The following MYO9A variants were observed in gnomAD, a reference collection of about 807,000 sequenced individuals.
MYO9A encodes unconventional myosin-IXa.
A neutral mutation model predicts 293.3 loss-of-function variants in MYO9A; 103 were observed. The observed-to-expected ratio is 0.35, with a 90% confidence interval of 0.30 to 0.41. The LOEUF is 0.41. Among genes scored for constraint, MYO9A ranks in the 10% least tolerant of loss-of-function variants. The pLI is 1.00. For synonymous variants in MYO9A, 1,001 were observed against 1,035.7 expected, an observed-to-expected ratio of 0.97 and a Z score of 0.64; for missense variants, 2,685 against 3,033.0, an observed-to-expected ratio of 0.89 and a Z score of 2.69.
chr15:71,991,232 C>G lies in MYO9A; in HGVS notation c.1593G>C (p.Leu531Phe). The change falls in exon 11 of 42, where the codon TTG (leucine) becomes TTC (phenylalanine). Residue 531 changes from leucine to phenylalanine, a missense_variant. Around this residue, in one of 10 missense-constraint regions of MYO9A, gnomAD observed 201 missense variants for 245.2 expected, o/e 0.82. Coordinates refer to ENST00000356056, the MANE Select transcript of MYO9A (RefSeq NM_006901.4). Reference sequence around the variant, plus strand: ...CAAAAATATCAAGAACACCAATAGACAATGTCTGTAAAACAAGAGAAAGTT... The same window carrying G: ...CAAAAATATCAAGAACACCAATAGAGAATGTCTGTAAAACAAGAGAAAGTT... ...SKDLEHNTKT[L>F]SIGVLDIFGF... The G allele has an allele frequency of 6.3e-7, 1 of 1,586,244 alleles. No homozygotes were observed. Among genetic ancestry groups the G allele is most frequent in the Non-Finnish European group, 8.6e-7 (1 of 1,167,318 alleles).
At chr15:72,103,342 C>T (rs2080438032) in intron 1 of MYO9A, among the ~76,000 whole-genome samples, 1 of 137,880 alleles carries the variant, frequency 7.3e-6, no homozygotes, top group Non-Finnish European at 1.5e-5. Flanking sequence ...GAAGCAGAAG[C>T]AGCAGCAAGC....
intron 15 of MYO9A, among the ~76,000 whole-genome samples, chr15:71,942,115 T>C (rs1455058298): frequency 6.6e-6 from 1 of 152,040 alleles, no homozygotes; most frequent in African/African-American, 2.4e-5. Context: ...TATATACATA[T>C]ACAATGGAAC....
intron 19 of MYO9A, among the ~76,000 whole-genome samples, chr15:71,906,073 A>T (rs2057628765): frequency 6.6e-6 from 1 of 152,064 alleles, no homozygotes; most frequent in Non-Finnish European, 1.5e-5. Context: ...ATATTATAAA[A>T]TTTTCCTTCC....
intron 1 of MYO9A, among the ~76,000 whole-genome samples, chr15:72,110,688 T>C (rs1469195357): frequency 6.6e-6 from 1 of 152,086 alleles, no homozygotes; most frequent in Non-Finnish European, 1.5e-5. Flanking sequence ...GAAGCATTTC[T>C]TTGCAGTATT....
chr15:71,880,171 T>A (rs2056829524), intron 29 of MYO9A, among the ~76,000 whole-genome samples, 164 bp downstream of exon 29: 1 of 152,212 alleles, frequency 6.6e-6, no homozygotes, highest in South Asian at 2.1e-4. Flanking sequence ...GTCTACCCAG[T>A]CTAACTAATG....
intron 1 of MYO9A, among the ~76,000 whole-genome samples, chr15:72,049,209 T>C (rs779371620): frequency 2.0e-5 from 3 of 152,216 alleles, no homozygotes; most frequent in Admixed American, 6.5e-5. Flanking sequence ...TACAGTATCA[T>C]AAATATATTT....
chr15:71,903,448 A>T (rs1355286553), intron 21 of MYO9A, among the ~76,000 whole-genome samples: 5 of 152,246 alleles, frequency 3.3e-5, no homozygotes, highest in African/African-American at 1.2e-4. Flanking sequence ...TCCCAGTAAC[A>T]GCAAAGACTT....
At chr15:71,945,893 G>A (rs1010936990) in intron 15 of MYO9A, among the ~76,000 whole-genome samples, 1 of 152,134 alleles carries the variant, frequency 6.6e-6, no homozygotes, top group Admixed American at 6.6e-5. Flanking sequence ...ATAAAGTAGA[G>A]GAAGTTGGTC....
chr15:72,082,980 A>AT (rs533623135), intron 1 of MYO9A, among the ~76,000 whole-genome samples: 2 of 150,532 alleles, frequency 1.3e-5, no homozygotes, highest in Non-Finnish European at 3.0e-5. Flanking sequence ...CTGGCCTGCA[A>AT]TTTTTTTTGT....
intron 20 of MYO9A, 98 bp from the exon 21 acceptor site, chr15:71,904,137 C>G: frequency 1.1e-6 from 1 of 946,924 alleles, no homozygotes; most frequent in Non-Finnish European, 1.6e-6. Context: ...TAGAGATTGA[C>G]TGGAGGTTGT....
rs533504832 is a variant in MYO9A, at chr15:72,004,482, G to A, written c.1380+3344C>T. ...TGAGGCAGGAGAATGGCTTGGACCC[G>A]GGAGGCAGAGGTTGCAGTGAGCCAA... On this transcript the variant is annotated intron_variant, in intron 8 of 41. Coordinates refer to ENST00000356056, the MANE Select transcript of MYO9A (RefSeq NM_006901.4). 3.8e-4 allele frequency among the ~76,000 whole-genome samples: 58 copies of A among 152,168 alleles called. 1 individual carries two copies. Among genetic ancestry groups the A allele is most frequent in the African/African-American group, 1.2e-3 (50 of 41,528 alleles).
chr15:71,961,876 C>T (rs138053796), intron 13 of MYO9A, among the ~76,000 whole-genome samples: 90 of 152,146 alleles, frequency 5.9e-4, no homozygotes, highest in Admixed American at 2.5e-3. Context: ...TGCATCACCA[C>T]GTCTGGCTAA....
At chr15:71,899,598 A>G in intron 24 of MYO9A, 89 bp downstream of exon 24, 2 of 1,163,902 alleles carry the variant, frequency 1.7e-6, no homozygotes, top group Non-Finnish European at 2.4e-6. Context: ...AACCAATTCT[A>G]ATACAAATTA....
intron 14 of MYO9A, among the ~76,000 whole-genome samples, chr15:71,956,351 A>ATATAT (rs71133937): frequency 7.7e-6 from 1 of 130,692 alleles, no homozygotes; most frequent in Admixed American, 7.6e-5. Flanking sequence ...ATATATATAT[A>ATATAT]AAATACGCCC....
intron 18 of MYO9A, among the ~76,000 whole-genome samples, chr15:71,922,205 C>T (rs1038344529): frequency 1.3e-5 from 2 of 152,226 alleles, no homozygotes; most frequent in Non-Finnish European, 2.9e-5. Flanking sequence ...TCTCGAACTC[C>T]TGAGCTCAGG....
chr15:71,930,510 A>G (rs1383238392), intron 18 of MYO9A, among the ~76,000 whole-genome samples: 1 of 152,006 alleles, frequency 6.6e-6, no homozygotes, highest in Non-Finnish European at 1.5e-5. Context: ...TATAAGGATA[A>G]CTACTGTTGC....
At chr15:71,955,294 A>C (rs2059152575) in intron 14 of MYO9A, among the ~76,000 whole-genome samples, 1 of 151,850 alleles carries the variant, frequency 6.6e-6, no homozygotes, top group Non-Finnish European at 1.5e-5. Context: ...AGCCCGGCTA[A>C]ATTTTTGTAT....
At chr15:72,034,837 C>G (rs1468168331) in intron 2 of MYO9A, among the ~76,000 whole-genome samples, 1 of 152,134 alleles carries the variant, frequency 6.6e-6, no homozygotes, top group Non-Finnish European at 1.5e-5. Flanking sequence ...TTTGATTCTG[C>G]CCAAGGCTAC....
chr15:71,853,923 G>A (rs1303188979), intron 35 of MYO9A, among the ~76,000 whole-genome samples: 4 of 152,180 alleles, frequency 2.6e-5, no homozygotes, highest in Non-Finnish European at 5.9e-5. Flanking sequence ...GTCACTTATT[G>A]GCGATCAGTC....
Sources: gnomAD v4.1 joint callset for allele counts (sites outside exome capture counted in the v4.1 genomes callset) on GRCh38, gnomAD v4.1.1 for gene constraint, gnomAD v4.1.1 regional missense constraint, MANE v1.5 for transcripts, NCBI Gene and HGNC (gene_info 2026-07-23, HGNC 2026-07-21) for gene names.